The following CSMD3 variants were observed in gnomAD, a reference collection of about 807,000 sequenced individuals.
The protein encoded by CSMD3 is CUB and sushi domain-containing protein 3.
CSMD3 carries 177 observed loss-of-function variants against 435.2 expected under a neutral mutation model. The ratio of observed to expected loss-of-function variants is 0.41; its 90% CI spans 0.36 to 0.46. The LOEUF (loss-of-function observed/expected upper bound fraction) is 0.46, where lower values mean the gene tolerates loss of function less well. Among genes scored for constraint, CSMD3 ranks in the 20% least tolerant of loss-of-function variants. The pLI, the probability that CSMD3 is intolerant of heterozygous loss-of-function variation, is 0.34. For missense variants in CSMD3, 4,265 were observed against 4,504.6 expected, an observed-to-expected ratio of 0.95 and a Z score of 1.52; for synonymous variants, 1,656 against 1,520.5, an observed-to-expected ratio of 1.09 and a Z score of -2.07.
At chr8:112,379,879 C>T (rs560424469) in intron 38 of CSMD3, among the ~76,000 whole-genome samples, 37 of 152,226 alleles carry the variant, frequency 2.4e-4, no homozygotes, top group African/African-American at 8.7e-4. Context: ...AAACCAATCA[C>T]AGGAGGATAA....
chr8:112,307,869 T>C (rs1821596035), intron 50 of CSMD3, among the ~76,000 whole-genome samples: 1 of 152,178 alleles, frequency 6.6e-6, no homozygotes, highest in South Asian at 2.1e-4. Context: ...AAATGCTATG[T>C]ACTATTCACC....
intron 13 of CSMD3, among the ~76,000 whole-genome samples, chr8:112,702,518 T>C (rs934219438): frequency 6.6e-6 from 1 of 152,120 alleles, no homozygotes; most frequent in African/African-American, 2.4e-5. Context: ...GAGTGCTGGA[T>C]ATCTTCTGTT....
At position 112,650,279 on chromosome 8, in the gene CSMD3, A is replaced by G. The variant is rs7839690; in HGVS notation, c.3075T>C (p.Asp1025=). 4.6e-3 allele frequency: 7,462 copies of G among 1,613,876 alleles called. 297 individuals are homozygous for G. In the African/African-American group the frequency reaches 0.084, roughly 18 times the overall value. Residue 1025 remains aspartate (D), a synonymous_variant, in exon 19 of 71, where the codon GAT becomes GAC. Transcript: ENST00000297405. ...ATGAAACAGTAGAGCCAATGGAGAA[A>G]TCATGACCATAGCGACGGCCATGTA... ...IPVHGRRYGH[D]FSIGSTVSFS...
At chr8:113,079,340 C>T (rs1457639732) in intron 5 of CSMD3, among the ~76,000 whole-genome samples, 1 of 152,096 alleles carries the variant, frequency 6.6e-6, no homozygotes, top group African/African-American at 2.4e-5. Flanking sequence ...TACATTAATA[C>T]TTCTACCAAA....
intron 6 of CSMD3, among the ~76,000 whole-genome samples, chr8:113,001,342 T>G (rs967325692): frequency 6.6e-6 from 1 of 152,138 alleles, no homozygotes; most frequent in African/African-American, 2.4e-5. Flanking sequence ...TTAATCCTGC[T>G]ATGTTTTAGC....
intron 5 of CSMD3, among the ~76,000 whole-genome samples, chr8:113,050,735 T>C (rs1471883298): frequency 1.3e-5 from 2 of 152,080 alleles, no homozygotes; most frequent in Admixed American, 1.3e-4. Flanking sequence ...TGCTCTCTGA[T>C]TGTTGTTGTC....
chr8:113,152,419 C>T (rs1350870331), intron 4 of CSMD3, among the ~76,000 whole-genome samples: 1 of 151,960 alleles, frequency 6.6e-6, no homozygotes, highest in African/African-American at 2.4e-5. Flanking sequence ...AATAGGGATT[C>T]AAGACAACTC....
chr8:112,440,726 T>C (rs1814909725), intron 32 of CSMD3, among the ~76,000 whole-genome samples: 1 of 152,212 alleles, frequency 6.6e-6, no homozygotes, highest in African/African-American at 2.4e-5. Flanking sequence ...ATGTGGAAGC[T>C]GCCAAGGTTT....
chr8:112,580,312 A>G (rs1268888684), intron 23 of CSMD3, among the ~76,000 whole-genome samples: 1 of 152,044 alleles, frequency 6.6e-6, no homozygotes, highest in African/African-American at 2.4e-5. Context: ...TGAAAAAAAT[A>G]AAACAATCAG....
At chr8:112,770,067 C>G (rs2078073168) in intron 13 of CSMD3, among the ~76,000 whole-genome samples, 1 of 151,832 alleles carries the variant, frequency 6.6e-6, no homozygotes, top group East Asian at 1.9e-4. Flanking sequence ...CAAATTATTG[C>G]AAATATCTTG....
intron 1 of CSMD3, among the ~76,000 whole-genome samples, chr8:113,416,317 A>G (rs1013394488): frequency 5.3e-5 from 8 of 152,164 alleles, no homozygotes; most frequent in Middle Eastern, 3.4e-3. Context: ...TTTGCTTCCT[A>G]TGTGTCATAA....
intron 13 of CSMD3, among the ~76,000 whole-genome samples, chr8:112,759,075 T>G (rs565045376): frequency 1.8e-4 from 27 of 152,240 alleles, no homozygotes; most frequent in African/African-American, 6.3e-4. Context: ...TGTTCTTAGA[T>G]TTATAGTTTT....
At chr8:112,513,669 G>C (rs903025315) in intron 28 of CSMD3, among the ~76,000 whole-genome samples, 1 of 152,118 alleles carries the variant, frequency 6.6e-6, no homozygotes, top group South Asian at 2.1e-4. Context: ...TTGGCACAGG[G>C]TTGACAAAAA....
chr8:112,754,786 G>A (rs1020471519), intron 13 of CSMD3, among the ~76,000 whole-genome samples: 3 of 152,160 alleles, frequency 2.0e-5, no homozygotes, highest in African/African-American at 7.2e-5. Flanking sequence ...CTGTCCCGTT[G>A]AGGAATAACA....
At chr8:113,377,013 G>A in intron 1 of CSMD3, 1 of 1,354,280 alleles carries the variant, frequency 7.4e-7, no homozygotes, top group Non-Finnish European at 9.8e-7. Flanking sequence ...ACATCTTCTA[G>A]GGAGTGGGGT....
intron 1 of CSMD3, among the ~76,000 whole-genome samples, chr8:113,428,679 C>A (rs1010192409): frequency 3.3e-5 from 5 of 151,808 alleles, no homozygotes; most frequent in African/African-American, 1.2e-4. Flanking sequence ...AATTTTATCC[C>A]GGTACCATTT....
At chr8:113,162,529 C>T (rs780061252) in intron 4 of CSMD3, among the ~76,000 whole-genome samples, 1 of 147,668 alleles carries the variant, frequency 6.8e-6, no homozygotes, top group East Asian at 2.0e-4. Flanking sequence ...CACGCCATTG[C>T]ACTCCAGCCT....
chr8:113,153,126 A>AAGGAAGGAAGGAAG (rs1429322418), intron 4 of CSMD3, among the ~76,000 whole-genome samples: 47 of 64,030 alleles, frequency 7.3e-4, no homozygotes, highest in Non-Finnish European at 8.0e-4. Context: ...AGAAAGAAAG[A>AAGGAAGGAAGGAAG]GAAAGAAGGA....
At chr8:113,086,670 T>C (rs962908562) in intron 5 of CSMD3, among the ~76,000 whole-genome samples, 22 of 152,326 alleles carry the variant, frequency 1.4e-4, no homozygotes, top group Admixed American at 7.8e-4. Context: ...GCTTTACGTA[T>C]GCTAATTAAG....
Sources: gnomAD v4.1 joint callset for allele counts (sites outside exome capture counted in the v4.1 genomes callset) on GRCh38, gnomAD v4.1.1 for gene constraint, MANE v1.5 for transcripts, NCBI Gene and HGNC (gene_info 2026-07-23, HGNC 2026-07-21) for gene names.